Variants in CCND3 observed in about 807,000 individuals in gnomAD.
The protein encoded by CCND3 is G1/S-specific cyclin-D3.
Under a neutral mutation model 28.7 loss-of-function variants are expected in CCND3, and 9 were observed. The observed-to-expected ratio is 0.31, with a 90% CI of 0.19 to 0.55. CCND3 has a LOEUF of 0.55. Ranked by LOEUF, CCND3 falls within the 20% of genes least tolerant of loss-of-function variation. CCND3 has a pLI of 0.93. For missense variants in CCND3, 315 were observed against 385.8 expected (o/e 0.82, Z 1.54); for synonymous variants, 164 against 163.9 (o/e 1.00, Z 0.00).
At chr6:42,013,224 T>G (rs1267816255) in intron 1 of CCND3, among the ~76,000 whole-genome samples, 1 of 152,194 alleles carries the variant, frequency 6.6e-6, no homozygotes, top group Non-Finnish European at 1.5e-5. Context: ...GGACATTCCA[T>G]TCATACAGCC....
chr6:41,940,714 A>G (rs1313460994), intron 1 of CCND3, 129 bp from the exon 2 acceptor site: 1 of 760,088 alleles, frequency 1.3e-6, no homozygotes, highest in Non-Finnish European at 2.3e-6. Flanking sequence ...TTAGAGAGAC[A>G]AGGACCAATA....
chr6:41,997,531 T>A (rs1762844994), intron 1 of CCND3, among the ~76,000 whole-genome samples: 2 of 152,122 alleles, frequency 1.3e-5, no homozygotes, highest in African/African-American at 4.8e-5. Flanking sequence ...CTCTTCCTCA[T>A]TTAAGAGGCC....
At chr6:42,015,508 A>G (rs1026666764) in intron 1 of CCND3, among the ~76,000 whole-genome samples, 5 of 152,154 alleles carry the variant, frequency 3.3e-5, no homozygotes, top group African/African-American at 1.2e-4. Context: ...CAGGAGATGG[A>G]GGTCATCCTG....
chr6:41,959,816 C>T (rs2127403691), intron 1 of CCND3, among the ~76,000 whole-genome samples: 1 of 151,664 alleles, frequency 6.6e-6, no homozygotes, highest in South Asian at 2.1e-4. Context: ...ATTAGCTGGG[C>T]ATGGTGGCAC....
intron 1 of CCND3, among the ~76,000 whole-genome samples, chr6:42,027,667 A>C (rs924515099): frequency 1.3e-5 from 2 of 152,090 alleles, no homozygotes; most frequent in Non-Finnish European, 2.9e-5. Context: ...CCAGAGCCCA[A>C]ATCTCCTCCT....
chr6:41,972,656 T>C (rs1431170093), intron 1 of CCND3, among the ~76,000 whole-genome samples: 1 of 152,080 alleles, frequency 6.6e-6, no homozygotes, highest in Non-Finnish European at 1.5e-5. Context: ...GACTCAGCAT[T>C]ACTACGTTTG....
upstream of CCND3, among the ~76,000 whole-genome samples, chr6:41,945,285 G>A (rs1035012494): frequency 4.7e-4 from 71 of 152,100 alleles, no homozygotes; most frequent in African/African-American, 1.7e-3. Flanking sequence ...ATGCCAAGAC[G>A]GGTGGATCAC....
At chr6:41,972,829 C>A (rs556603627) in intron 1 of CCND3, among the ~76,000 whole-genome samples, 1 of 150,762 alleles carries the variant, frequency 6.6e-6, no homozygotes, top group Admixed American at 6.6e-5. Context: ...CCAGCCTGGG[C>A]AACAGAGTGA....
At chr6:42,020,912 C>A (rs900478377) in intron 1 of CCND3, among the ~76,000 whole-genome samples, 1 of 152,148 alleles carries the variant, frequency 6.6e-6, no homozygotes, top group African/African-American at 2.4e-5. Context: ...CCACCATGCC[C>A]GGCTAATTTT....
chr6:41,966,336 C>A (rs1248871703), intron 1 of CCND3, among the ~76,000 whole-genome samples: 1 of 152,024 alleles, frequency 6.6e-6, no homozygotes, highest in African/African-American at 2.4e-5. Context: ...GGGAGGATCC[C>A]TGGAGCCCAG....
chr6:42,029,183 G>A (rs1245564118), intron 1 of CCND3, among the ~76,000 whole-genome samples: 1 of 151,242 alleles, frequency 6.6e-6, no homozygotes, highest in African/African-American at 2.4e-5. Context: ...TAGAGACAGG[G>A]TCTCACTATG....
chr6:41,962,968 G>A (rs1039622994), intron 1 of CCND3, among the ~76,000 whole-genome samples: 30 of 152,220 alleles, frequency 2.0e-4, no homozygotes, highest in African/African-American at 6.7e-4. Flanking sequence ...GGCCAGGATG[G>A]TCTCAATCTC....
In CCND3 at chr6:42,021,160, A is replaced by G. The variant is rs1330899134; in HGVS notation, c.-46+27341T>C. ...CACACAACTTTTATTACAATATATA[A>G]CTGTTCTGTTTTATTATTAGTCATT... On this transcript the variant is annotated intron_variant, in intron 1 of 4. Transcript: ENST00000372988. Among the ~76,000 whole-genome samples the G allele has an allele frequency of 2.6e-5, 4 of 152,192 alleles. 1 individual carries two copies. Among genetic ancestry groups the G allele is most frequent in the Non-Finnish European group, 4.4e-5 (3 of 68,040 alleles).
At chr6:42,001,706 A>C (rs7764695) in intron 1 of CCND3, among the ~76,000 whole-genome samples, 80 of 152,258 alleles carry the variant, frequency 5.3e-4, no homozygotes, top group African/African-American at 1.8e-3. Flanking sequence ...GCAAGACTCC[A>C]TCTCAAAAAA....
rs1303051323 is a variant in CCND3, at chr6:41,938,901, C to A, written c.414+1469G>T. ...TCTCAGAGGTCCCTTCCAACCTTGA[C>A]CTTCTAGGAAGTCTTTTGGGCACTC... On this transcript the variant is annotated intron_variant, in intron 2 of 4. Transcript: ENST00000372991. The surrounding 1 kb of genome is among the most constrained non-coding windows in gnomAD (Gnocchi z 4.6). Among the ~76,000 whole-genome samples the A allele has an allele frequency of 6.6e-6, 1 of 152,002 alleles. No homozygotes were observed. The highest frequency in any genetic ancestry group is 1.5e-5 in the Non-Finnish European group (1 of 67,936).
In CCND3 at chr6:42,026,753, T is replaced by C. The variant is rs556071912; in HGVS notation, c.-46+21748A>G. ...ACCAAAGGGATGTCATCTGGCAACT[T>C]TGAGGTCATGCTCTGAAAAGGAAGG... is the stretch of plus-strand genomic sequence containing the variant. On this transcript the variant is annotated intron_variant, in intron 1 of 4. Transcript: ENST00000372988. Among the ~76,000 whole-genome samples the C allele has an allele frequency of 7.2e-5, 11 of 152,318 alleles. No homozygotes were observed. The East Asian group carries it at 2.1e-3, about 29-fold the overall frequency.
chr6:42,015,593 C>T (rs958169019), intron 1 of CCND3, among the ~76,000 whole-genome samples: 1 of 151,894 alleles, frequency 6.6e-6, no homozygotes, highest in Non-Finnish European at 1.5e-5. Context: ...ACCTGTAGTC[C>T]CAGCTATTCC....
intron 1 of CCND3, among the ~76,000 whole-genome samples, chr6:42,027,800 G>T (rs572211538): frequency 1.3e-3 from 200 of 152,066 alleles, no homozygotes; most frequent in African/African-American, 4.3e-3. Context: ...CAGGCTGGAG[G>T]GCAATGGCTC....
intron 1 of CCND3, among the ~76,000 whole-genome samples, chr6:42,035,928 G>A (rs766438402): frequency 6.0e-5 from 9 of 151,232 alleles, no homozygotes; most frequent in Non-Finnish European, 1.3e-4. Flanking sequence ...CCCCCACCTC[G>A]GCCTCCCAAA....
Sources: gnomAD v4.1 joint callset for allele counts (sites outside exome capture counted in the v4.1 genomes callset) on GRCh38, gnomAD v4.1.1 for gene constraint, Gnocchi (gnomAD v3.1) non-coding constraint, MANE v1.5 for transcripts, NCBI Gene and HGNC (gene_info 2026-07-23, HGNC 2026-07-21) for gene names.